CPNE5: variants seen among roughly 807,000 people sequenced by gnomAD.
The protein encoded by CPNE5 is copine-5.
In CPNE5, 42 loss-of-function variants were observed where a neutral mutation model predicts 81.1. The observed-to-expected ratio is 0.52, with a 90% confidence interval of 0.40 to 0.67. The LOEUF is 0.67. Ranked by LOEUF, CPNE5 falls within the 30% of genes least tolerant of loss-of-function variation. The pLI, the probability that CPNE5 is intolerant of heterozygous loss-of-function variation, is 0.00. For missense variants in CPNE5, 612 were observed against 815.5 expected, an observed-to-expected ratio of 0.75 and a Z score of 3.04; for synonymous variants, 313 against 321.5, an observed-to-expected ratio of 0.97 and a Z score of 0.28.
intron 8 of CPNE5, among the ~76,000 whole-genome samples, chr6:36,791,638 T>C (rs1002397094): frequency 2.6e-5 from 4 of 152,060 alleles, no homozygotes; most frequent in Non-Finnish European, 5.9e-5. Context: ...AAGTGAAAAA[T>C]GACAGCTAAA....
At chr6:36,826,237 C>T (rs1023894160) in intron 1 of CPNE5, among the ~76,000 whole-genome samples, 3 of 152,176 alleles carry the variant, frequency 2.0e-5, no homozygotes, top group African/African-American at 7.2e-5. Flanking sequence ...TGGTCCTGCC[C>T]ACTTCCCAGC....
intron 10 of CPNE5, among the ~76,000 whole-genome samples, chr6:36,773,392 C>G (rs919304882): frequency 1.3e-5 from 2 of 152,228 alleles, no homozygotes; most frequent in African/African-American, 4.8e-5. Context: ...CTCGCTCTCT[C>G]GGCGCTTGCT....
intron 16 of CPNE5, among the ~76,000 whole-genome samples, chr6:36,745,888 C>T (rs1216009375): frequency 1.3e-5 from 2 of 152,156 alleles, no homozygotes; most frequent in African/African-American, 4.8e-5. Flanking sequence ...CAGCACAGCA[C>T]CTTGCACCCT....
At chr6:36,744,397 G>C in intron 18 of CPNE5, 72 bp from the exon 19 acceptor site, 1 of 1,231,966 alleles carries the variant, frequency 8.1e-7, no homozygotes, top group Non-Finnish European at 1.2e-6. Context: ...GGAGAAATCA[G>C]GGGTAGGACA....
intron 3 of CPNE5, 134 bp from the exon 4 acceptor site, chr6:36,800,204 C>G: frequency 3.3e-6 from 2 of 615,190 alleles, no homozygotes; most frequent in Non-Finnish European, 5.7e-6. Flanking sequence ...CTCCAGGCTC[C>G]TGACATCCAT....
chr6:36,788,644 C>T (rs1011509184), intron 8 of CPNE5, among the ~76,000 whole-genome samples: 7 of 147,208 alleles, frequency 4.8e-5, no homozygotes, highest in African/African-American at 1.0e-4. Context: ...CAGTAACAAT[C>T]GTTTTACTGC....
At chr6:36,802,924 G>A (rs1376078968) in intron 3 of CPNE5, among the ~76,000 whole-genome samples, 1 of 152,150 alleles carries the variant, frequency 6.6e-6, no homozygotes, top group Non-Finnish European at 1.5e-5. Context: ...CAGGCTTGAT[G>A]GCGCACGCCT....
chr6:36,827,643 C>T, intron 1 of CPNE5: 1 of 985,442 alleles, frequency 1.0e-6, no homozygotes, highest in Non-Finnish European at 1.2e-6. Flanking sequence ...GGTAAAGCGC[C>T]TTCCCCACTG....
chr6:36,770,912 A>G (rs1382246064), intron 10 of CPNE5, among the ~76,000 whole-genome samples: 1 of 151,954 alleles, frequency 6.6e-6, no homozygotes. Flanking sequence ...CGGAACACAA[A>G]TCTGTGAGTA....
At chr6:36,749,039 C>A (rs1409439234) in intron 14 of CPNE5, among the ~76,000 whole-genome samples, 1 of 152,096 alleles carries the variant, frequency 6.6e-6, no homozygotes, top group Non-Finnish European at 1.5e-5. Context: ...TGGGCTCAAG[C>A]AGTTTTCCCA....
rs1401064597 is a variant in CPNE5 at position 36,839,413 on chromosome 6, C to T, written c.-36G>A. On this transcript the variant is annotated 5_prime_UTR_variant, in exon 1 of 21. Coordinates refer to ENST00000244751, the MANE Select transcript of CPNE5 (RefSeq NM_020939.2). This position sits in a 1 kb window ranked among gnomAD's most constrained non-coding sequence, Gnocchi z 7.3. Reference sequence around the variant, plus strand: ...ACCCCCCACCCCAAATTAGTCAATCCCTGCGCGATTCACGCCTCCTCCGGA... The same window carrying T: ...ACCCCCCACCCCAAATTAGTCAATCTCTGCGCGATTCACGCCTCCTCCGGA... 1.3e-6 allele frequency: 2 copies of T among 1,507,276 alleles called. No individual in the cohort carries two copies. Among genetic ancestry groups the T allele is most frequent in the East Asian group, 2.6e-5 (1 of 39,066 alleles). 93.4% of individuals were successfully genotyped at this position (1,507,276 alleles called of 1,614,324 possible). A position where few individuals can be genotyped will look rare whatever the true frequency, so the allele number is the denominator to read the frequency against.
chr6:36,831,111 G>A (rs557748361), intron 1 of CPNE5, among the ~76,000 whole-genome samples: 63 of 152,220 alleles, frequency 4.1e-4, no homozygotes, highest in African/African-American at 1.5e-3. Context: ...CTGGAGTGCA[G>A]TGGTGCAATC....
intron 6 of CPNE5, among the ~76,000 whole-genome samples, chr6:36,795,464 C>T (rs1221747911): frequency 6.6e-6 from 1 of 152,184 alleles, no homozygotes; most frequent in Admixed American, 6.5e-5. Flanking sequence ...CAGGCGTGAG[C>T]CACCATGCCC....
intron 8 of CPNE5, among the ~76,000 whole-genome samples, chr6:36,789,880 C>T (rs1768933733): frequency 6.6e-6 from 1 of 152,204 alleles, no homozygotes; most frequent in Non-Finnish European, 1.5e-5. Context: ...GCCTTCAGAT[C>T]CACTGAGATT....
chr6:36,805,647 G>A (rs1053427829), intron 3 of CPNE5, among the ~76,000 whole-genome samples: 1 of 152,106 alleles, frequency 6.6e-6, no homozygotes, highest in Non-Finnish European at 1.5e-5. Context: ...ACCTCCCTGG[G>A]CCCCAGGGCT....
intron 3 of CPNE5, among the ~76,000 whole-genome samples, chr6:36,821,195 A>T (rs1181380054): frequency 6.6e-6 from 1 of 151,546 alleles, no homozygotes; most frequent in African/African-American, 2.4e-5. Flanking sequence ...GCATTCCAGG[A>T]AAAAGGAAGA....
Position 36,746,668 on chromosome 6 carries a change from CTAA to C in CPNE5, c.1019-94_1019-92del. ...AAGAAGGGGGTGTCCAAGGGCACCC[CTAA>C]CTTTTATTAATTCTTGACTCCTCTC... is the stretch of plus-strand genomic sequence containing the variant. On this transcript the variant is annotated intron_variant, in intron 15 of 20. Coordinates refer to ENST00000244751, the MANE Select transcript of CPNE5 (RefSeq NM_020939.2). This position sits in a 1 kb window ranked among gnomAD's most constrained non-coding sequence, Gnocchi z 4.5. 3.5e-6 allele frequency: 4 copies of C among 1,158,518 alleles called. No individual in the cohort carries two copies. The highest frequency in any genetic ancestry group is 4.9e-6 in the Non-Finnish European group (4 of 813,680). The allele number at this position is 1,158,518 out of a possible 1,614,324, so 71.8% of individuals were successfully genotyped here. A position where few individuals can be genotyped will look rare whatever the true frequency, so the allele number is the denominator to read the frequency against.
chr6:36,811,776 C>A (rs1316724222), intron 3 of CPNE5, among the ~76,000 whole-genome samples: 3 of 152,118 alleles, frequency 2.0e-5, no homozygotes, highest in Non-Finnish European at 4.4e-5. Context: ...ACGGTGGATC[C>A]TGGAGCTGCC....
Position 36,743,013 on chromosome 6 carries a change from A to G in CPNE5, c.1564-527T>C, listed in dbSNP as rs886194712. 3 of 985,144 alleles carry G rather than the reference A, an allele frequency of 3.0e-6. No homozygotes were observed. The African/African-American group carries it at 5.2e-5, about 17-fold the overall frequency. 61.0% of individuals were successfully genotyped at this position (985,144 alleles called of 1,614,324 possible). A position where few individuals can be genotyped will look rare whatever the true frequency, so the allele number is the denominator to read the frequency against. On this transcript the variant is annotated intron_variant, in intron 20 of 20. Coordinates refer to ENST00000244751, the MANE Select transcript of CPNE5 (RefSeq NM_020939.2). ...CTCACTCCTGCCTCCAGGCCTTAGC[A>G]TGGGCCGGTCCCACCTCCCAGGTTG...
Sources: gnomAD v4.1 joint callset for allele counts (sites outside exome capture counted in the v4.1 genomes callset) on GRCh38, gnomAD v4.1.1 for gene constraint, Gnocchi (gnomAD v3.1) non-coding constraint, MANE v1.5 for transcripts, NCBI Gene and HGNC (gene_info 2026-07-23, HGNC 2026-07-21) for gene names.